GALNT13: variants seen among roughly 807,000 people sequenced by gnomAD.
GALNT13 encodes UDP-GalNAc:polypeptide N-acetylgalactosaminyltransferase 13.
GALNT13 carries 28 observed loss-of-function variants against 64.2 expected under a neutral mutation model. That is an observed-to-expected ratio of 0.44 (90% CI 0.32 to 0.60). The LOEUF is 0.60. Ranked by LOEUF, GALNT13 falls within the 20% of genes least tolerant of loss-of-function variation. The pLI, the probability that GALNT13 is intolerant of heterozygous loss-of-function variation, is 0.05. For synonymous variants in GALNT13, 214 were observed against 224.6 expected (o/e 0.95, Z 0.42); for missense variants, 577 against 669.8 (o/e 0.86, Z 1.53).
the GALNT13 span, among the ~76,000 whole-genome samples, chr2:153,103,849 T>G: frequency 1.3e-5 from 2 of 152,220 alleles, no homozygotes; most frequent in African/African-American, 4.8e-5. Flanking sequence ...AGAAATCTGG[T>G]CTCTACTGCC....
the GALNT13 span, among the ~76,000 whole-genome samples, chr2:153,203,035 G>A: frequency 1.2e-4 from 18 of 152,104 alleles, no homozygotes; most frequent in African/African-American, 3.4e-4. Flanking sequence ...TGTGCCTTTC[G>A]GTGTCTCCTT....
chr2:153,465,173 G>A, the GALNT13 span, among the ~76,000 whole-genome samples: 2 of 152,120 alleles, frequency 1.3e-5, no homozygotes, highest in African/African-American at 4.8e-5. Context: ...GAGGAGTCTA[G>A]CCTGAAACAT....
chr2:153,484,671 T>G, the GALNT13 span, among the ~76,000 whole-genome samples: 1 of 152,188 alleles, frequency 6.6e-6, no homozygotes, highest in Non-Finnish European at 1.5e-5. Context: ...GCTTTAAAAT[T>G]TTTTATACCC....
intron 3 of GALNT13, among the ~76,000 whole-genome samples, chr2:154,075,246 C>T (rs1700928453): frequency 6.6e-6 from 1 of 151,738 alleles, no homozygotes; most frequent in Non-Finnish European, 1.5e-5. Flanking sequence ...GAAACCTTGA[C>T]ATGTACCTCT....
At chr2:153,861,037 T>C in the GALNT13 span, among the ~76,000 whole-genome samples, 2 of 152,172 alleles carry the variant, frequency 1.3e-5, no homozygotes, top group East Asian at 1.9e-4. Context: ...CCTGGACTGC[T>C]ATTCCTAAGT....
intron 11 of GALNT13, 94 bp from the exon 12 acceptor site, chr2:154,438,498 G>A (rs1701109708): frequency 7.1e-6 from 6 of 845,424 alleles, no homozygotes; most frequent in African/African-American, 3.4e-5. Flanking sequence ...GAAAACACAA[G>A]TTTATCTGAT....
intron 11 of GALNT13, among the ~76,000 whole-genome samples, chr2:154,420,080 T>C (rs998289660): frequency 6.6e-6 from 1 of 152,022 alleles, no homozygotes; most frequent in Non-Finnish European, 1.5e-5. Flanking sequence ...TCACAGTAAG[T>C]GTATAAAGCA....
chr2:153,826,181 G>A, the GALNT13 span, among the ~76,000 whole-genome samples: 2 of 152,188 alleles, frequency 1.3e-5, no homozygotes, highest in African/African-American at 2.4e-5. Context: ...TAGACTCCTT[G>A]CAGAGTTCCA....
At chr2:154,355,395 G>T (rs1049193548) in intron 9 of GALNT13, among the ~76,000 whole-genome samples, 4 of 152,042 alleles carry the variant, frequency 2.6e-5, no homozygotes, top group African/African-American at 9.7e-5. Flanking sequence ...ATCCTTCCTT[G>T]AATATGCAAG....
the GALNT13 span, among the ~76,000 whole-genome samples, chr2:153,324,408 G>T: frequency 6.6e-6 from 1 of 152,248 alleles, no homozygotes; most frequent in Non-Finnish European, 1.5e-5. Flanking sequence ...AGACAACAGG[G>T]TTTTCTAAAT....
Position 154,396,775 on chromosome 2 carries a change from T to C in GALNT13, c.1296+645T>C, listed in dbSNP as rs112516975. ...AAAGTGAAAACTGCAAGTAATATCT[T>C]GGTACTATAACAAAAGTGGTATTGA... On this transcript the variant is annotated intron_variant, in intron 10 of 12. Coordinates refer to ENST00000392825, the MANE Select transcript of GALNT13 (RefSeq NM_052917.4). Among the ~76,000 whole-genome samples, 1,161 of 152,106 alleles carry C rather than the reference T, an allele frequency of 7.6e-3. 18 individuals are homozygous for C. Among genetic ancestry groups the C allele is most frequent in the African/African-American group, 0.026 (1,089 of 41,528 alleles).
the GALNT13 span, among the ~76,000 whole-genome samples, chr2:153,759,992 C>G: frequency 6.6e-6 from 1 of 151,892 alleles, no homozygotes; most frequent in Non-Finnish European, 1.5e-5. Flanking sequence ...TATATATTTT[C>G]TATTTCTTCA....
chr2:153,141,383 G>T, the GALNT13 span, among the ~76,000 whole-genome samples: 4 of 151,982 alleles, frequency 2.6e-5, no homozygotes, highest in African/African-American at 9.7e-5. Flanking sequence ...ATAAGGGTGG[G>T]CTAGGCCTAA....
the GALNT13 span, among the ~76,000 whole-genome samples, chr2:153,619,542 T>G: frequency 6.6e-6 from 1 of 152,128 alleles, no homozygotes; most frequent in Non-Finnish European, 1.5e-5. Context: ...TATTGCTCAT[T>G]AATTTCCTTT....
chr2:153,373,634 T>C, the GALNT13 span, among the ~76,000 whole-genome samples: 2 of 152,226 alleles, frequency 1.3e-5, no homozygotes, highest in Non-Finnish European at 2.9e-5. Flanking sequence ...TTAGTGGCAC[T>C]AAGTATATTC....
the GALNT13 span, among the ~76,000 whole-genome samples, chr2:153,566,350 T>TTTTTTTTTTTTTG: frequency 2.8e-5 from 1 of 35,324 alleles, no homozygotes. Flanking sequence ...CTAATCACGT[T>TTTTTTTTTTTTTG]TTTTTTTTTT....
chr2:153,914,241 C>T (rs946642678), intron 2 of GALNT13, among the ~76,000 whole-genome samples: 2 of 152,076 alleles, frequency 1.3e-5, no homozygotes, highest in African/African-American at 4.8e-5. Flanking sequence ...CACTGTCCAT[C>T]ATTTTACTGT....
At chr2:154,332,425 C>CA (rs944698309) in intron 9 of GALNT13, among the ~76,000 whole-genome samples, 32 of 150,668 alleles carry the variant, frequency 2.1e-4, no homozygotes, top group Admixed American at 9.3e-4. Flanking sequence ...TGCTATCCCA[C>CA]AAAAAAAAAT....
the GALNT13 span, among the ~76,000 whole-genome samples, chr2:153,776,016 C>G: frequency 2.6e-5 from 4 of 151,978 alleles, no homozygotes; most frequent in Non-Finnish European, 4.4e-5. Flanking sequence ...CTTCTCATTG[C>G]AAATCCGAGT....
Sources: gnomAD v4.1 joint callset for allele counts (sites outside exome capture counted in the v4.1 genomes callset) on GRCh38, gnomAD v4.1.1 for gene constraint, MANE v1.5 for transcripts, NCBI Gene and HGNC (gene_info 2026-07-23, HGNC 2026-07-21) for gene names.